ANXA1: variants seen among roughly 807,000 people sequenced by gnomAD.
ANXA1 encodes annexin I (lipocortin I).
ANXA1 carries 39 observed loss-of-function variants against 47.9 expected under a neutral mutation model. That is an observed-to-expected ratio of 0.81 (90% CI 0.63 to 1.06). The LOEUF (loss-of-function observed/expected upper bound fraction) is 1.06, where lower values mean the gene tolerates loss of function less well. ANXA1 is among the 50% of genes least tolerant of loss of function. The pLI, the probability that ANXA1 is intolerant of heterozygous loss-of-function variation, is 0.00. For synonymous variants in ANXA1, 146 were observed against 142.5 expected (o/e 1.02, Z -0.17); for missense variants, 446 against 422.7 (o/e 1.06, Z -0.48).
chr9:73,164,015 A>T (rs1302682706), intron 8 of ANXA1, among the ~76,000 whole-genome samples: 2 of 152,156 alleles, frequency 1.3e-5, no homozygotes, highest in African/African-American at 4.8e-5. Context: ...GCTTTCTAAC[A>T]TATTGTTTTA....
intron 11 of ANXA1, 121 bp from the exon 12 acceptor site, chr9:73,168,911 G>GTGTGTT: frequency 1.3e-6 from 1 of 754,074 alleles, no homozygotes; most frequent in Non-Finnish European, 2.1e-6. Flanking sequence ...GTGTGTGTGT[G>GTGTGTT]TATAGCTAGT....
Position 73,158,890 on chromosome 9 carries a change from A to C in ANXA1, c.175+87A>C, listed in dbSNP as rs935322377. On this transcript the variant is annotated intron_variant, in intron 3 of 12. Coordinates refer to ENST00000257497, the MANE Select transcript of ANXA1 (RefSeq NM_000700.3). ...GTCAAAAAACAGACATGTGCAATGG[A>C]AAGAATCTGTTTCATTTTGAAGATA... The C allele has an allele frequency of 8.6e-6, 9 of 1,048,532 alleles. No homozygotes were observed. The Admixed American group carries it at 1.3e-4, about 15-fold the overall frequency. 65.0% of individuals were successfully genotyped at this position (1,048,532 alleles called of 1,614,324 possible).
chr9:73,168,880 G>GGTGTGT (rs3832643), intron 11 of ANXA1, 152 bp from the exon 12 acceptor site: 94,422 of 400,624 alleles, frequency 0.24, 8,440 homozygotes, highest in Middle Eastern at 0.27. Context: ...ATTCGTGTAA[G>GGTGTGT]GTGTGTGTGT....
intron 1 of ANXA1, among the ~76,000 whole-genome samples, chr9:73,153,800 A>C (rs1824006045): frequency 6.6e-6 from 1 of 152,220 alleles, no homozygotes; most frequent in South Asian, 2.1e-4. Flanking sequence ...TTGGAAGTAC[A>C]TACATAATGA....
At chr9:73,168,880 G>GGGGTGTGTGTGTGT (rs71495355) in intron 11 of ANXA1, 152 bp from the exon 12 acceptor site, 1 of 401,832 alleles carries the variant, frequency 2.5e-6, no homozygotes, top group Non-Finnish European at 4.6e-6. Flanking sequence ...ATTCGTGTAA[G>GGGGTGTGTGTGTGT]GTGTGTGTGT....
intron 1 of ANXA1, among the ~76,000 whole-genome samples, chr9:73,152,669 A>T (rs75902196): frequency 0.018 from 2,735 of 152,206 alleles, 84 homozygotes; most frequent in African/African-American, 0.062. Context: ...ATCCTAGGGG[A>T]ATGTCAGTGA....
In ANXA1 at chr9:73,160,889, A is replaced by G. The variant is rs746629868; in HGVS notation, c.471A>G (p.Arg157=). The G allele has an allele frequency of 6.2e-7, 1 of 1,604,576 alleles. No homozygotes were observed. The highest frequency in any genetic ancestry group is 8.5e-7 in the Non-Finnish European group (1 of 1,172,212). The change falls in exon 6 of 13, where the codon AGA becomes AGG. Residue 157 remains arginine (R), a synonymous_variant. Coordinates refer to ENST00000257497, the MANE Select transcript of ANXA1 (RefSeq NM_000700.3). ...TCAGAGACATTAACAGGGTCTACAG[A>G]GAGGGTAAGTTGTAATGTCCAACAG... ...KEIRDINRVY[R]EELKRDLAKD...
At chr9:73,152,802 A>G (rs1482479321) in intron 1 of ANXA1, among the ~76,000 whole-genome samples, 1 of 152,216 alleles carries the variant, frequency 6.6e-6, no homozygotes, top group African/African-American at 2.4e-5. Context: ...TGTAAAAGTG[A>G]GATTACAAAT....
chr9:73,159,588 T>C, intron 4 of ANXA1, 165 bp downstream of exon 4: 1 of 522,180 alleles, frequency 1.9e-6, no homozygotes, highest in Non-Finnish European at 3.3e-6. Flanking sequence ...ATTTAATCAA[T>C]TTTATCAAAT....
At chr9:73,170,030 T>C (rs977565456) in intron 12 of ANXA1, 21 bp from the exon 13 acceptor site, 50 of 1,584,570 alleles carry the variant, frequency 3.2e-5, no homozygotes, top group Non-Finnish European at 4.3e-5. Context: ...ACATTAAGTA[T>C]ACCTTTTTTT....
rs149267096 is a variant in ANXA1 at position 73,154,294 on chromosome 9, C to A, written c.-15+2370C>A. The A allele has an allele frequency of 8.1e-6, 11 of 1,365,824 alleles. No individual in the cohort carries two copies. In the African/African-American group the frequency reaches 1.2e-4, roughly 15 times the overall value. 84.6% of individuals were successfully genotyped at this position (1,365,824 alleles called of 1,614,324 possible). A position where few individuals can be genotyped will look rare whatever the true frequency, so the allele number is the denominator to read the frequency against. ...TAAACTCCCTAAGGCTGGGGTGAAA[C>A]CTGCTACGGTCTGCGCAAGTTGACT... is the stretch of plus-strand genomic sequence containing the variant. On this transcript the variant is annotated intron_variant, in intron 1 of 12. Transcript: ENST00000257497.
chr9:73,169,434 G>T (rs1436799287), intron 12 of ANXA1, among the ~76,000 whole-genome samples: 1 of 151,918 alleles, frequency 6.6e-6, no homozygotes, highest in Non-Finnish European at 1.5e-5. Context: ...TTCCCCCTAG[G>T]GTAGATAGAC....
intron 1 of ANXA1, chr9:73,154,083 CAAG>C (rs1489442698): frequency 8.5e-5 from 27 of 318,678 alleles, no homozygotes; most frequent in Non-Finnish European, 1.4e-4. Context: ...GCATTCCAGG[CAAG>C]AAGAACACCC....
intron 3 of ANXA1, 49 bp downstream of exon 3, chr9:73,158,852 T>A (rs1371635734): frequency 7.1e-7 from 1 of 1,409,274 alleles, no homozygotes; most frequent in East Asian, 2.3e-5. Flanking sequence ...TCAGAATGGC[T>A]ATTTGAATGA....
chr9:73,160,135 G>C, intron 4 of ANXA1, 128 bp from the exon 5 acceptor site: 1 of 542,112 alleles, frequency 1.8e-6, no homozygotes, highest in South Asian at 3.2e-5. Flanking sequence ...TATGTGAAGG[G>C]AAGAAGCTCT....
In ANXA1 at chr9:73,158,566, G is replaced by T. The variant is rs1385794738; in HGVS notation, c.31G>T (p.Ala11Ser). Residue 11 changes from alanine (A) to serine (S), a missense_variant, in exon 2 of 13, where the codon GCC becomes TCC. Ala to Ser is a moderately conservative substitution (Grantham distance 99, BLOSUM62 1). Transcript: ENST00000257497. ...AATGGTATCAGAATTCCTCAAGCAG[G>T]CCTGGTTTATTGAAAATGAAGAGCA... MAMVSEFLKQ[A>S]WFIENEEQEY... 4 of 1,613,576 alleles carry T rather than the reference G, an allele frequency of 2.5e-6. No individual in the cohort carries two copies. Among genetic ancestry groups the T allele is most frequent in the South Asian group, 1.1e-5 (1 of 91,072 alleles).
chr9:73,165,421 A>T (rs530059270), intron 9 of ANXA1: 11 of 398,138 alleles, frequency 2.8e-5, no homozygotes, highest in African/African-American at 2.3e-4. Flanking sequence ...TGACTTGGGC[A>T]TGTGGAACAT....
At chr9:73,158,442 T>C in intron 1 of ANXA1, 80 bp from the exon 2 acceptor site, 1 of 1,059,668 alleles carries the variant, frequency 9.4e-7, no homozygotes, top group Non-Finnish European at 1.4e-6. Flanking sequence ...TGCTAACTCT[T>C]ATGTATGTAA....
At chr9:73,164,240 A>G (rs1235591112) in intron 8 of ANXA1, among the ~76,000 whole-genome samples, 1 of 152,170 alleles carries the variant, frequency 6.6e-6, no homozygotes, top group Non-Finnish European at 1.5e-5. Context: ...CACTTCTGCT[A>G]TACCAGTACA....
Sources: gnomAD v4.1 joint callset for allele counts (sites outside exome capture counted in the v4.1 genomes callset) on GRCh38, gnomAD v4.1.1 for gene constraint, MANE v1.5 for transcripts, NCBI Gene and HGNC (gene_info 2026-07-23, HGNC 2026-07-21) for gene names.